Variants in CTR9 observed in about 807,000 individuals in gnomAD.
The protein encoded by CTR9 is CTR9 component of Paf1/RNA polymerase II complex.
In CTR9, 41 loss-of-function variants were observed where a neutral mutation model predicts 152.1. The observed-to-expected ratio is 0.27, with a 90% CI of 0.21 to 0.35. The LOEUF (loss-of-function observed/expected upper bound fraction) is 0.35. Ranked by LOEUF, CTR9 falls within the 10% of genes least tolerant of loss-of-function variation. The pLI is 1.00. For synonymous variants in CTR9, 476 were observed against 496.2 expected (o/e 0.96, Z 0.54); for missense variants, 917 against 1,424.4 (o/e 0.64, Z 5.73).
intron 24 of CTR9, among the ~76,000 whole-genome samples, chr11:10,777,691 G>A (rs925262495): frequency 3.9e-5 from 6 of 152,214 alleles, no homozygotes; most frequent in Admixed American, 1.3e-4. Flanking sequence ...GCTTTGTCCT[G>A]ACCATCATAA....
In CTR9 at chr11:10,751,320, C is replaced by A. The variant is rs375665323; in HGVS notation, c.-93C>A. On this transcript the variant is annotated 5_prime_UTR_variant, in exon 1 of 25. Coordinates refer to ENST00000361367, the MANE Select transcript of CTR9 (RefSeq NM_014633.5). ...GCGGGGCGGCAGTCAAGACCAGAGC[C>A]GGAGCCGTCACTCACCTCTGGATTA... is the stretch of plus-strand genomic sequence containing the variant. The A allele has an allele frequency of 7.7e-5, 104 of 1,358,532 alleles. 1 individual carries two copies. Among genetic ancestry groups the A allele is most frequent in the East Asian group, 5.3e-4 (23 of 43,412 alleles). 84.2% of individuals were successfully genotyped at this position (1,358,532 alleles called of 1,614,324 possible). A position where few individuals can be genotyped will look rare whatever the true frequency, so the allele number is the denominator to read the frequency against.
chr11:10,767,785 C>T lies in CTR9; in HGVS notation c.1687-21C>T. ...TCAAACTAAACTGCAGATTTTCCTT[C>T]TTCATGTATGTATGTTTCAGGATCA... is the stretch of plus-strand genomic sequence containing the variant. On this transcript the variant is annotated intron_variant, in intron 13 of 24. Transcript: ENST00000361367. The surrounding 1 kb of genome is among the most constrained non-coding windows in gnomAD (Gnocchi z 4.0). 1.2e-6 allele frequency: 2 copies of T among 1,611,586 alleles called. No individual in the cohort carries two copies. Among genetic ancestry groups the T allele is most frequent in the Non-Finnish European group, 1.7e-6 (2 of 1,178,208 alleles).
chr11:10,768,860 A>G (rs571241007), intron 16 of CTR9, among the ~76,000 whole-genome samples: 6 of 152,220 alleles, frequency 3.9e-5, no homozygotes, highest in Admixed American at 6.5e-5. Context: ...TTGAATATTT[A>G]TTTGTGTATT....
At chr11:10,771,390 G>T (rs1029050520) in intron 18 of CTR9, among the ~76,000 whole-genome samples, 155 bp from the exon 19 acceptor site, 2 of 152,194 alleles carry the variant, frequency 1.3e-5, no homozygotes, top group African/African-American at 2.4e-5. Flanking sequence ...CTTGATGAAC[G>T]TGTCTATTAA....
intron 12 of CTR9, among the ~76,000 whole-genome samples, chr11:10,765,800 T>C (rs1400801440): frequency 5.3e-5 from 8 of 152,234 alleles, no homozygotes; most frequent in Non-Finnish European, 8.8e-5. Flanking sequence ...CATGCTGTTA[T>C]GGATGCAAAA....
At position 10,779,402 on chromosome 11, in the gene CTR9, CTG is replaced by C. The variant is rs1481041163; in HGVS notation, c.*300_*301del. ...CATTCCTACAAAGGTTTGACTGAAA[CTG>C]TGGCAGATGTCTCATCTTCTTTATA... On this transcript the variant is annotated 3_prime_UTR_variant, in exon 25 of 25. Coordinates refer to ENST00000361367, the MANE Select transcript of CTR9 (RefSeq NM_014633.5). The C allele has an allele frequency of 1.1e-5, 3 of 284,414 alleles. No individual in the cohort carries two copies. Among genetic ancestry groups the C allele is most frequent in the African/African-American group, 4.4e-5 (2 of 45,214 alleles). The allele number at this position is 284,414 out of a possible 1,614,324, so 17.6% of individuals were successfully genotyped here. A position where few individuals can be genotyped will look rare whatever the true frequency, so the allele number is the denominator to read the frequency against.
At position 10,763,834 on chromosome 11, in the gene CTR9, T is replaced by C. The variant is rs113096852; in HGVS notation, c.1149T>C (p.Ser383=). 1 of 1,613,498 alleles carries C rather than the reference T, an allele frequency of 6.2e-7. No individual in the cohort carries two copies. Among genetic ancestry groups the C allele is most frequent in the Non-Finnish European group, 8.5e-7 (1 of 1,179,872 alleles). Residue 383 remains serine, a synonymous_variant, in exon 9 of 25, where the codon TCT becomes TCC. Transcript: ENST00000361367. The part of the protein sequence containing the change: ...NNYETMKILG[S]LYAASEDQEK... The stretch of plus-strand genomic sequence containing the variant: ...ACGAAACTATGAAAATTCTCGGCTC[T>C]CTCTATGCTGCCTCAGAAGATCAAG...
intron 22 of CTR9, chr11:10,774,390 G>A: frequency 2.6e-6 from 1 of 389,306 alleles, no homozygotes; most frequent in Non-Finnish European, 4.6e-6. Context: ...TCTAAGCGCT[G>A]CAAGTTAGTC....
intron 2 of CTR9, among the ~76,000 whole-genome samples, chr11:10,753,269 A>G (rs1452189264): frequency 6.6e-6 from 1 of 152,192 alleles, no homozygotes; most frequent in African/African-American, 2.4e-5. Flanking sequence ...TTCAATGTGA[A>G]TCTTACTGGA....
At chr11:10,761,890 G>T in intron 6 of CTR9, 57 bp from the exon 7 acceptor site, 1 of 1,169,896 alleles carries the variant, frequency 8.5e-7, no homozygotes, top group South Asian at 1.4e-5. Flanking sequence ...AAAACTTCTT[G>T]AAAAGTGCTA....
chr11:10,758,162 A>G (rs1564965843), intron 5 of CTR9, among the ~76,000 whole-genome samples: 1 of 152,196 alleles, frequency 6.6e-6, no homozygotes. Flanking sequence ...AGATTATTGT[A>G]AGGACTTTAG....
intron 7 of CTR9, among the ~76,000 whole-genome samples, chr11:10,762,773 G>A (rs924584407): frequency 6.6e-6 from 1 of 152,134 alleles, no homozygotes; most frequent in East Asian, 1.9e-4. Flanking sequence ...AGGGGCCTAG[G>A]TGGGAGGATT....
chr11:10,764,527 T>G, intron 11 of CTR9, 21 bp from the exon 12 acceptor site: 1 of 1,603,824 alleles, frequency 6.2e-7, no homozygotes. Flanking sequence ...CTTTTAACAG[T>G]GTGATTTTTC....
rs1863173643 is a variant in CTR9, at chr11:10,773,279, A to T, written c.2727+6A>T. ...GAGGTGGTGGTGGTGGACGGGTAAG[A>T]TATAATTCCTGCTAGCACAAGTGAC... On this transcript the variant is annotated splice_donor_region_variant and intron_variant, in intron 21 of 24. Transcript: ENST00000361367. 1.9e-6 allele frequency: 3 copies of T among 1,609,692 alleles called. No individual in the cohort carries two copies. The highest frequency in any genetic ancestry group is 2.5e-6 in the Non-Finnish European group (3 of 1,179,006).
intron 4 of CTR9, 65 bp from the exon 5 acceptor site, chr11:10,756,684 T>C (rs1862889545): frequency 1.0e-5 from 11 of 1,089,172 alleles, no homozygotes; most frequent in Admixed American, 8.8e-5. Flanking sequence ...GATAAGTTAG[T>C]GTAAAACATA....
At position 10,770,479 on chromosome 11, in the gene CTR9, A is replaced by C. The variant is rs767882552; in HGVS notation, c.2227-8A>C. On this transcript the variant is annotated splice_polypyrimidine_tract_variant and splice_region_variant and intron_variant, in intron 17 of 24. Transcript: ENST00000361367. ...TGAACATATGAAATATTTATTTTTT[A>C]TTCACAGGCTAGACATGTGGCACCC... 3 of 1,604,436 alleles carry C rather than the reference A, an allele frequency of 1.9e-6. No homozygotes were observed. Among genetic ancestry groups the C allele is most frequent in the African/African-American group, 1.3e-5 (1 of 74,206 alleles).
chr11:10,762,132 G>A, intron 7 of CTR9, 78 bp downstream of exon 7: 3 of 922,690 alleles, frequency 3.3e-6, no homozygotes, highest in Non-Finnish European at 4.8e-6. Context: ...TTTTAAACTT[G>A]GAAAGAAATT....
intron 22 of CTR9, among the ~76,000 whole-genome samples, chr11:10,774,793 T>C (rs1863204462): frequency 6.6e-6 from 1 of 152,196 alleles, no homozygotes; most frequent in Admixed American, 6.5e-5. Flanking sequence ...AAGAACCTGC[T>C]ACTACATTAA....
chr11:10,756,723 G>A (rs768690487), intron 4 of CTR9, 26 bp from the exon 5 acceptor site: 2 of 1,526,994 alleles, frequency 1.3e-6, no homozygotes, highest in Admixed American at 3.5e-5. Context: ...ATCAGACACT[G>A]TGTTTATTTT....
Sources: allele counts gnomAD v4.1 joint callset (sites outside exome capture counted in the v4.1 genomes callset), GRCh38; gene constraint gnomAD v4.1.1; non-coding constraint Gnocchi (gnomAD v3.1); transcripts MANE v1.5; gene names NCBI Gene and HGNC (gene_info 2026-07-23, HGNC 2026-07-21).